The following FAM153A variants were observed in gnomAD, a reference collection of about 807,000 sequenced individuals.
The protein encoded by FAM153A is family with sequence similarity 153 member A.
A neutral mutation model predicts 48.1 loss-of-function variants in FAM153A; 12 were observed. That is an observed-to-expected ratio of 0.25 (90% CI 0.16 to 0.40). The LOEUF (loss-of-function observed/expected upper bound fraction) is 0.40, where lower values mean the gene tolerates loss of function less well. FAM153A is among the 10% of genes least tolerant of loss of function. FAM153A has a pLI of 1.00. For missense variants in FAM153A, 111 were observed against 345.8 expected, an observed-to-expected ratio of 0.32 and a Z score of 5.38; for synonymous variants, 36 against 118.2, an observed-to-expected ratio of 0.30 and a Z score of 4.51.
At chr5:177,750,138 A>T (rs1052387288) in intron 2 of FAM153A, 1 of 151,498 alleles carries the variant, frequency 6.6e-6, no homozygotes, top group Admixed American at 6.6e-5. Context: ...TAAGTTAGTT[A>T]TACGTAGCTA....
chr5:177,696,436 C>T, the FAM153A span, among the ~76,000 whole-genome samples: 2 of 151,968 alleles, frequency 1.3e-5, no homozygotes, highest in African/African-American at 2.4e-5. Flanking sequence ...AGGTGCTCCT[C>T]ACATCTCAGT....
downstream of FAM153A, among the ~76,000 whole-genome samples, chr5:177,708,952 G>A (rs977435876): frequency 1.3e-5 from 2 of 150,740 alleles, no homozygotes; most frequent in Non-Finnish European, 3.0e-5. Context: ...AAAATTAGAC[G>A]GGAGTGGTGG....
At chr5:177,705,341 C>G (rs1290081862), downstream of FAM153A, among the ~76,000 whole-genome samples, 1 of 142,648 alleles carries the variant, frequency 7.0e-6, no homozygotes, top group Admixed American at 7.2e-5. Flanking sequence ...ACCCCCACCC[C>G]CTCTTCCTTC....
At chr5:177,715,863 C>T (rs574379964) in intron 25 of FAM153A, among the ~76,000 whole-genome samples, 3,221 of 151,610 alleles carry the variant, frequency 0.021, 104 homozygotes, top group African/African-American at 0.048. Flanking sequence ...TTTGTAGAAA[C>T]GGGGTCTTGC....
chr5:177,755,236 T>G (rs1767597916), upstream of FAM153A, among the ~76,000 whole-genome samples: 1 of 151,760 alleles, frequency 6.6e-6, no homozygotes, highest in Non-Finnish European at 1.5e-5. Context: ...AGGGTATCAG[T>G]GATGGAAAAT....
At chr5:177,716,697 T>C (rs1217168755) in intron 24 of FAM153A, among the ~76,000 whole-genome samples, 5 of 151,824 alleles carry the variant, frequency 3.3e-5, no homozygotes, top group East Asian at 1.9e-4. Context: ...ATAGAACAAG[T>C]CCTTAGCCCA....
intron 24 of FAM153A, among the ~76,000 whole-genome samples, chr5:177,716,964 AGTGTGTGT>A (rs59312087): frequency 2.3e-4 from 30 of 127,730 alleles, no homozygotes; most frequent in African/African-American, 5.2e-4. Flanking sequence ...ATTCCCGCTT[AGTGTGTGT>A]GTGTGTGTGT....
intron 1 of FAM153A, among the ~76,000 whole-genome samples, chr5:177,752,545 T>G (rs1767070733): frequency 8.2e-6 from 1 of 121,556 alleles, no homozygotes; most frequent in Non-Finnish European, 1.6e-5. Flanking sequence ...CGCTTGAACC[T>G]GGGATGCAGA....
chr5:177,699,932 T>A, the FAM153A span, among the ~76,000 whole-genome samples: 1 of 151,758 alleles, frequency 6.6e-6, no homozygotes, highest in Non-Finnish European at 1.5e-5. Flanking sequence ...CAATATCTCC[T>A]ATGAATTTAG....
At chr5:177,753,284 A>C, upstream of FAM153A, 1 of 1,328,906 alleles carries the variant, frequency 7.5e-7, no homozygotes, top group Admixed American at 2.0e-5. Context: ...ATGAAAGGCA[A>C]GACCTATATC....
rs190534225 is a variant in FAM153A at position 177,761,586 on chromosome 5, C to T, written c.-56-12887G>A. On this transcript the variant is annotated intron_variant, in intron 1 of 8. Coordinates refer to the FAM153A transcript ENST00000393518. ...AATCTGTCAGCCCAGGCACCTGGAGCGGAAATGGCCTGCCCACTTTTGCCC... is the reference window on the plus strand; with the variant it reads ...AATCTGTCAGCCCAGGCACCTGGAGTGGAAATGGCCTGCCCACTTTTGCCC... Among the ~76,000 whole-genome samples the T allele has an allele frequency of 3.7e-3, 505 of 137,530 alleles. 10 individuals are homozygous for T. Among genetic ancestry groups the T allele is most frequent in the Middle Eastern group, 0.011 (3 of 268 alleles). 90.2% of individuals were successfully genotyped at this position (137,530 alleles called of 152,430 possible).
intron 1 of FAM153A, among the ~76,000 whole-genome samples, chr5:177,760,345 TC>T (rs1354296446): frequency 1.2e-5 from 1 of 85,196 alleles, no homozygotes; most frequent in African/African-American, 5.2e-5. Flanking sequence ...CACGCCATTC[TC>T]CTGCCTCAGC....
intron 1 of FAM153A, among the ~76,000 whole-genome samples, chr5:177,768,348 C>T (rs1768873838): frequency 6.6e-6 from 1 of 152,122 alleles, no homozygotes; most frequent in African/African-American, 2.4e-5. Flanking sequence ...ATTGGCATCA[C>T]TGATTAATCA....
intron 1 of FAM153A, among the ~76,000 whole-genome samples, chr5:177,765,281 G>A (rs1240829517): frequency 1.0e-5 from 1 of 99,946 alleles, no homozygotes. Flanking sequence ...CATCCCCATT[G>A]AGGACACCTG....
At chr5:177,697,947 C>T in the FAM153A span, among the ~76,000 whole-genome samples, 2 of 83,604 alleles carry the variant, frequency 2.4e-5, no homozygotes, top group East Asian at 3.1e-4. Flanking sequence ...GTGGTTGTTG[C>T]TCCTCTTCTT....
the FAM153A span, among the ~76,000 whole-genome samples, chr5:177,697,695 A>G: frequency 3.4e-4 from 51 of 151,726 alleles, no homozygotes; most frequent in African/African-American, 1.2e-3. Context: ...TCTTGTTCCA[A>G]ATCCCTACTC....
At chr5:177,753,956 G>T (rs747643231), upstream of FAM153A, among the ~76,000 whole-genome samples, 120 of 152,014 alleles carry the variant, frequency 7.9e-4, 1 homozygote, top group Admixed American at 2.6e-3. Flanking sequence ...GAGGTATCAG[G>T]CTCACCTCAT....
At chr5:177,740,491 T>C in intron 8 of FAM153A, 1 of 147,466 alleles carries the variant, frequency 6.8e-6, no homozygotes, top group Non-Finnish European at 1.3e-5. Flanking sequence ...TATTCTGCAC[T>C]GTGTATTGGA....
At chr5:177,738,068 C>T (rs1448422919) in intron 10 of FAM153A, among the ~76,000 whole-genome samples, 3 of 151,360 alleles carry the variant, frequency 2.0e-5, no homozygotes, top group East Asian at 3.9e-4. Context: ...CTGGCTCCAG[C>T]ATTAGGACAG....
Sources: allele counts gnomAD v4.1 joint callset (sites outside exome capture counted in the v4.1 genomes callset), GRCh38; gene constraint gnomAD v4.1.1; transcripts MANE v1.5; gene names NCBI Gene and HGNC (gene_info 2026-07-23, HGNC 2026-07-21).